The following EP300 variants were observed in gnomAD, a reference collection of about 807,000 sequenced individuals.
The protein encoded by EP300 is EP300 lysine acetyltransferase, also known as histone acetyltransferase p300.
A neutral mutation model predicts 264.0 loss-of-function variants in EP300; 31 were observed. The ratio of observed to expected loss-of-function variants is 0.12; its 90% confidence interval spans 0.09 to 0.16. EP300 has a LOEUF of 0.16. EP300 is among the 10% of genes least tolerant of loss of function. EP300 has a pLI of 1.00. For synonymous variants in EP300, 1,340 were observed against 1,045.4 expected, an observed-to-expected ratio of 1.28 and a Z score of -5.44; for missense variants, 2,766 against 3,052.9, an observed-to-expected ratio of 0.91 and a Z score of 2.21.
chr22:41,135,210 A>G (rs1485190436), intron 6 of EP300, among the ~76,000 whole-genome samples: 2 of 152,196 alleles, frequency 1.3e-5, no homozygotes, highest in Non-Finnish European at 2.9e-5. Context: ...TTTATCTCCC[A>G]TTCCATGTTA....
chr22:41,158,380 C>T (rs1298832847), intron 18 of EP300, 32 bp from the exon 19 acceptor site: 1 of 1,600,050 alleles, frequency 6.2e-7, no homozygotes, highest in Admixed American at 1.7e-5. Context: ...CTTAAGGCCT[C>T]TGTGCTTTTT....
chr22:41,147,768 A>C, intron 11 of EP300, 69 bp from the exon 12 acceptor site: 9 of 1,108,772 alleles, frequency 8.1e-6, no homozygotes, highest in Non-Finnish European at 1.1e-5. Flanking sequence ...AATCAGACAT[A>C]AGAATTCTAT....
chr22:41,125,464 C>A (rs907130552), intron 2 of EP300, among the ~76,000 whole-genome samples: 2 of 151,798 alleles, frequency 1.3e-5, no homozygotes, highest in Admixed American at 6.6e-5. Flanking sequence ...TGGGTTTTCA[C>A]CATGTTCCCC....
rs2145772188 is a variant in EP300, at chr22:41,173,778, T to A, written c.4773T>A (p.His1591Gln). 1 of 1,613,796 alleles carries A rather than the reference T, an allele frequency of 6.2e-7. No homozygotes were observed. The highest frequency in any genetic ancestry group is 1.3e-5 in the African/African-American group (1 of 74,918). ...SQKLYATMEK[H>Q]KEVFFVIRLI... Reference sequence around the variant, plus strand: ...AACTATATGCCACCATGGAGAAGCATAAAGAGGTAAGATGCAGCCACCCAG... The same window carrying A: ...AACTATATGCCACCATGGAGAAGCAAAAAGAGGTAAGATGCAGCCACCCAG... Residue 1591 changes from histidine to glutamine, a missense_variant, in exon 29 of 31, where the codon CAT becomes CAA. His to Gln is a conservative substitution (Grantham distance 24). Transcript: ENST00000263253.
In EP300 at chr22:41,149,135, T is replaced by A. The variant is rs145863376; in HGVS notation, c.2339T>A (p.Ile780Asn). Reference sequence around the variant, plus strand: ...TCACAGGGAATGAATGTAACAAATATCCCTTTGGCTCCGTCCAGCGGTCAA... The same window carrying A: ...TCACAGGGAATGAATGTAACAAATAACCCTTTGGCTCCGTCCAGCGGTCAA... ...FPSQGMNVTN[I>N]PLAPSSGQAP... Residue 780 changes from isoleucine to asparagine, a missense_variant, in exon 13 of 31, where the codon ATC (isoleucine) becomes AAC (asparagine). Physicochemically the swap from Ile to Asn is moderately radical, Grantham distance 149 (BLOSUM62 -3). Coordinates refer to ENST00000263253, the MANE Select transcript of EP300 (RefSeq NM_001429.4). The A allele has an allele frequency of 3.1e-6, 5 of 1,613,946 alleles. No homozygotes were observed. Among genetic ancestry groups the A allele is most frequent in the Non-Finnish European group, 4.2e-6 (5 of 1,179,986 alleles).
At chr22:41,146,545 TGGA>T in intron 10 of EP300, 191 bp from the exon 11 acceptor site, 1 of 603,810 alleles carries the variant, frequency 1.7e-6, no homozygotes, top group Non-Finnish European at 2.9e-6. Flanking sequence ...CAAATCCACT[TGGA>T]GGCATTTTTC....
rs777548118 is a variant in EP300 at position 41,114,172 on chromosome 22, TTTG to T, written c.95-2991_95-2989del. Among the ~76,000 whole-genome samples, 13 of 150,476 alleles carry T rather than the reference TTTG, an allele frequency of 8.6e-5. No homozygotes were observed. In the East Asian group the frequency reaches 1.6e-3, roughly 18 times the overall value. On this transcript the variant is annotated intron_variant, in intron 1 of 30. Coordinates refer to ENST00000263253, the MANE Select transcript of EP300 (RefSeq NM_001429.4). ...GTCAGTTTTGTTACACATTTGGGTA[TTTG>T]TTGTTGTTGTTGTTGTTGTTGTTTG...
intron 10 of EP300, among the ~76,000 whole-genome samples, chr22:41,143,539 T>A (rs1351283185): frequency 6.6e-6 from 1 of 152,212 alleles, no homozygotes; most frequent in Non-Finnish European, 1.5e-5. Context: ...CATTCTCATC[T>A]TCATGTTTCT....
rs2058802817 is a variant in EP300 at position 41,113,157 on chromosome 22, A to AACCC, written c.95-4030_95-4029insACCC. On this transcript the variant is annotated intron_variant, in intron 1 of 30. Transcript: ENST00000263253. ...GTTGGCTTGTTTGAATCAGGATTCC[A>AACCC]CCCCCCCCCCAACTTATGCTATGGA... Among the ~76,000 whole-genome samples the AACCC allele has an allele frequency of 1.9e-4, 18 of 92,904 alleles. 2 individuals carry two copies. Among genetic ancestry groups the AACCC allele is most frequent in the East Asian group, 6.6e-4 (2 of 3,010 alleles). The allele number at this position is 92,904 out of a possible 152,430, so 60.9% of individuals were successfully genotyped here.
At chr22:41,169,957 C>G (rs899846533) in intron 26 of EP300, among the ~76,000 whole-genome samples, 1 of 152,196 alleles carries the variant, frequency 6.6e-6, no homozygotes, top group African/African-American at 2.4e-5. Flanking sequence ...AAAAACAGTT[C>G]TGGAGATACT....
At chr22:41,114,476 C>G (rs2058810762) in intron 1 of EP300, among the ~76,000 whole-genome samples, 1 of 152,166 alleles carries the variant, frequency 6.6e-6, no homozygotes, top group Admixed American at 6.5e-5. Context: ...AAGTGCTCAG[C>G]CTTGTGGCAC....
chr22:41,134,836 C>T (rs1431095278), intron 6 of EP300, among the ~76,000 whole-genome samples: 1 of 152,154 alleles, frequency 6.6e-6, no homozygotes, highest in Non-Finnish European at 1.5e-5. Flanking sequence ...AAAGTTGGAC[C>T]TGGACACTAG....
chr22:41,113,407 A>T (rs760759378), intron 1 of EP300, among the ~76,000 whole-genome samples: 19 of 151,844 alleles, frequency 1.3e-4, no homozygotes, highest in Non-Finnish European at 2.8e-4. Context: ...TTACATTCCT[A>T]TTTCCTGTTT....
intron 19 of EP300, 77 bp downstream of exon 19, chr22:41,158,577 T>C (rs1303235131): frequency 3.7e-5 from 42 of 1,135,004 alleles, no homozygotes; most frequent in African/African-American, 6.1e-5. Context: ...CCAGCACACA[T>C]ACAGTCATGG....
chr22:41,170,689 T>C (rs1259379606), intron 27 of EP300, 118 bp downstream of exon 27: 1 of 1,086,670 alleles, frequency 9.2e-7, no homozygotes, highest in Non-Finnish European at 1.3e-6. Flanking sequence ...TGAGACGGAG[T>C]CTCGCTCTGT....
chr22:41,172,760 G>A lies in EP300; in HGVS notation c.4617+97G>A, dbSNP rs530750107. On this transcript the variant is annotated intron_variant, in intron 28 of 30. Coordinates refer to ENST00000263253, the MANE Select transcript of EP300 (RefSeq NM_001429.4). The stretch of plus-strand genomic sequence containing the variant: ...TTCAATTGGGTTTTAAAGCTTTCAG[G>A]TGTAAAAGAGCTCTTTAAGTTGGAC... 1.8e-5 allele frequency: 23 copies of A among 1,284,016 alleles called. No individual in the cohort carries two copies. In the South Asian group the frequency reaches 2.7e-4, roughly 15 times the overall value. 79.5% of individuals were successfully genotyped at this position (1,284,016 alleles called of 1,614,324 possible). A position where few individuals can be genotyped will look rare whatever the true frequency, so the allele number is the denominator to read the frequency against.
intron 11 of EP300, 94 bp from the exon 12 acceptor site, chr22:41,147,743 A>G (rs2145733790): frequency 1.0e-6 from 1 of 1,001,318 alleles, no homozygotes; most frequent in South Asian, 1.3e-5. Flanking sequence ...GTCTCAAAAA[A>G]AAAAAAAGAT....
chr22:41,141,413 C>T (rs1439172738), intron 10 of EP300, among the ~76,000 whole-genome samples, 191 bp downstream of exon 10: 1 of 152,200 alleles, frequency 6.6e-6, no homozygotes, highest in Non-Finnish European at 1.5e-5. Context: ...GATGTCTGGG[C>T]ATGGTACTTA....
rs776688239 is a variant in EP300 at position 41,178,179 on chromosome 22, A to C, written c.6468A>C (p.Pro2156=). Residue 2156 remains proline (P), a synonymous_variant, in exon 31 of 31, where the codon CCA becomes CCC. Coordinates refer to ENST00000263253, the MANE Select transcript of EP300 (RefSeq NM_001429.4). The stretch of plus-strand genomic sequence containing the variant: ...AGCAACCACAGCAGCAACTCCAGCC[A>C]CCCATGGGAGGGATGAGCCCCCAGG... ...PQQQPQQQLQ[P]PMGGMSPQAQ... 11 of 1,614,166 alleles carry C rather than the reference A, an allele frequency of 6.8e-6. No homozygotes were observed. Among genetic ancestry groups the C allele is most frequent in the Non-Finnish European group, 9.3e-6 (11 of 1,180,034 alleles).
Sources: allele counts gnomAD v4.1 joint callset (sites outside exome capture counted in the v4.1 genomes callset), GRCh38; gene constraint gnomAD v4.1.1; transcripts MANE v1.5; gene names NCBI Gene and HGNC (gene_info 2026-07-23, HGNC 2026-07-21).